ADCY8: variants seen among roughly 807,000 people sequenced by gnomAD.
The protein encoded by ADCY8 is adenylate cyclase type 8.
In ADCY8, 51 loss-of-function variants were observed where a neutral mutation model predicts 119.7. That is an observed-to-expected ratio of 0.43 (90% CI 0.34 to 0.54). ADCY8 has a LOEUF of 0.54. ADCY8 is among the 20% of genes least tolerant of loss of function. The probability of loss-of-function intolerance (pLI) is 0.03; values close to 1 mark genes in which losing one functional copy is unlikely to be tolerated. For missense variants in ADCY8, 1,383 were observed against 1,598.8 expected, an observed-to-expected ratio of 0.87 and a Z score of 2.30; for synonymous variants, 665 against 651.0, an observed-to-expected ratio of 1.02 and a Z score of -0.33.
chr8:131,002,623 T>A (rs148154401), intron 1 of ADCY8, among the ~76,000 whole-genome samples: 1 of 149,776 alleles, frequency 6.7e-6, no homozygotes, highest in Non-Finnish European at 1.5e-5. Flanking sequence ...AAAAATAACA[T>A]AGCAATAAAG....
chr8:130,937,954 C>T (rs1820838563), intron 4 of ADCY8, among the ~76,000 whole-genome samples: 1 of 152,052 alleles, frequency 6.6e-6, no homozygotes, highest in Non-Finnish European at 1.5e-5. Flanking sequence ...GGTGGATTCC[C>T]AATCTTAAAG....
rs56256827 is a variant in ADCY8, at chr8:130,860,157, T to A, written c.2210+7689A>T. Among the ~76,000 whole-genome samples, 1,320 of 152,310 alleles carry A rather than the reference T, an allele frequency of 8.7e-3. 25 individuals are homozygous for A. Among genetic ancestry groups the A allele is most frequent in the African/African-American group, 0.031 (1,275 of 41,560 alleles). Reference sequence around the variant, plus strand: ...TAATTTAAATTTCCCTTATGGCCAATGATGTTGAGCATTTTTCACATGCCT... The same window carrying A: ...TAATTTAAATTTCCCTTATGGCCAAAGATGTTGAGCATTTTTCACATGCCT... On this transcript the variant is annotated intron_variant, in intron 9 of 17. Coordinates refer to ENST00000286355, the MANE Select transcript of ADCY8 (RefSeq NM_001115.3).
At chr8:131,002,990 C>G (rs927908750) in intron 1 of ADCY8, among the ~76,000 whole-genome samples, 11 of 152,156 alleles carry the variant, frequency 7.2e-5, no homozygotes, top group African/African-American at 2.7e-4. Flanking sequence ...CACCTGAGGT[C>G]AGGAGTTCAA....
At chr8:130,791,343 C>G (rs887385016) in intron 15 of ADCY8, among the ~76,000 whole-genome samples, 1 of 152,176 alleles carries the variant, frequency 6.6e-6, no homozygotes, top group Non-Finnish European at 1.5e-5. Context: ...GAGAGTTCCT[C>G]CCCATTCCTG....
intron 2 of ADCY8, among the ~76,000 whole-genome samples, chr8:130,953,735 A>G (rs986313365): frequency 4.6e-5 from 7 of 152,204 alleles, no homozygotes; most frequent in Non-Finnish European, 8.8e-5. Context: ...GCAATAAAAT[A>G]TGTGAGGGGC....
intron 9 of ADCY8, among the ~76,000 whole-genome samples, chr8:130,852,560 C>A (rs959843362): frequency 1.3e-5 from 2 of 152,098 alleles, no homozygotes; most frequent in African/African-American, 4.8e-5. Context: ...AGGAAACCAA[C>A]GAGTATAAAA....
At chr8:130,939,931 C>T (rs187120957) in intron 4 of ADCY8, among the ~76,000 whole-genome samples, 1 of 152,170 alleles carries the variant, frequency 6.6e-6, no homozygotes, top group South Asian at 2.1e-4. Context: ...GCTTCCTGTG[C>T]TACAGAGGAG....
At chr8:130,866,206 C>A (rs2130384412) in intron 9 of ADCY8, among the ~76,000 whole-genome samples, 1 of 152,146 alleles carries the variant, frequency 6.6e-6, no homozygotes, top group Admixed American at 6.6e-5. Context: ...CGTAAGAATT[C>A]TGAGAGATTA....
intron 1 of ADCY8, among the ~76,000 whole-genome samples, chr8:130,995,888 A>T (rs1586640693): frequency 6.6e-6 from 1 of 152,268 alleles, no homozygotes; most frequent in South Asian, 2.1e-4. Context: ...TAATACAGAG[A>T]TGATGTTTGT....
intron 2 of ADCY8, among the ~76,000 whole-genome samples, chr8:130,977,005 T>C (rs987343343): frequency 1.3e-5 from 2 of 152,192 alleles, no homozygotes; most frequent in Non-Finnish European, 2.9e-5. Flanking sequence ...ACATCAACCC[T>C]GTATTCTGCT....
In ADCY8 at chr8:131,040,198, T is replaced by C; in HGVS notation, c.136A>G (p.Thr46Ala). ...TGCCCGTGAATGAAGCGCTGCTCCG[T>C]GATGTGTCGCACCGCCGTCTGCCAC... ...LLWQTAVRHI[T>A]EQRFIHGHRG... The change falls in exon 1 of 18, where the codon ACG (threonine) becomes GCG (alanine). Residue 46 changes from threonine to alanine, a missense_variant. Transcript: ENST00000286355. 2 of 1,536,144 alleles carry C rather than the reference T, an allele frequency of 1.3e-6. No individual in the cohort carries two copies. The highest frequency in any genetic ancestry group is 1.4e-5 in the African/African-American group (1 of 73,168).
chr8:130,819,926 T>C (rs1816456251), intron 13 of ADCY8, among the ~76,000 whole-genome samples: 1 of 152,232 alleles, frequency 6.6e-6, no homozygotes, highest in Admixed American at 6.5e-5. Context: ...AGCATCTTTG[T>C]TCTGCTCTGA....
intron 2 of ADCY8, among the ~76,000 whole-genome samples, chr8:130,962,560 G>A (rs376803570): frequency 2.6e-4 from 39 of 152,276 alleles, no homozygotes; most frequent in African/African-American, 8.9e-4. Context: ...TATTCAAGTC[G>A]TCAAAATGGT....
intron 9 of ADCY8, among the ~76,000 whole-genome samples, chr8:130,852,942 A>T (rs990443395): frequency 6.6e-6 from 1 of 152,148 alleles, no homozygotes; most frequent in Non-Finnish European, 1.5e-5. Context: ...GTATTCATTG[A>T]CTTATGCTTT....
At chr8:130,934,081 T>C (rs909235508) in intron 5 of ADCY8, among the ~76,000 whole-genome samples, 3 of 152,202 alleles carry the variant, frequency 2.0e-5, no homozygotes. Flanking sequence ...TGACACATAG[T>C]GGAGCTCAAT....
intron 7 of ADCY8, among the ~76,000 whole-genome samples, chr8:130,886,656 A>G (rs74750413): frequency 0.012 from 1,871 of 152,218 alleles, 39 homozygotes; most frequent in African/African-American, 0.042. Flanking sequence ...TGACCTTGGG[A>G]TGCCAGGGTG....
chr8:130,825,315 A>G (rs909577312), intron 12 of ADCY8, among the ~76,000 whole-genome samples: 18 of 152,198 alleles, frequency 1.2e-4, no homozygotes, highest in African/African-American at 4.3e-4. Context: ...TTTTGTATCT[A>G]TTAACCAACC....
intron 5 of ADCY8, among the ~76,000 whole-genome samples, chr8:130,910,658 C>A (rs939154957): frequency 6.6e-6 from 1 of 152,120 alleles, no homozygotes; most frequent in African/African-American, 2.4e-5. Context: ...CCATTCACAG[C>A]TTTTGTTACT....
chr8:130,910,796 A>G (rs1819958090), intron 5 of ADCY8, among the ~76,000 whole-genome samples: 2 of 152,354 alleles, frequency 1.3e-5, no homozygotes, highest in South Asian at 4.1e-4. Flanking sequence ...AATTTCTACC[A>G]TTGGATGATT....
Sources: allele counts gnomAD v4.1 joint callset (sites outside exome capture counted in the v4.1 genomes callset), GRCh38; gene constraint gnomAD v4.1.1; transcripts MANE v1.5; gene names NCBI Gene and HGNC (gene_info 2026-07-23, HGNC 2026-07-21).